The following CES1 variants were observed in gnomAD, a reference collection of about 807,000 sequenced individuals.
The protein encoded by CES1 is liver carboxylesterase 1.
CES1 carries 50 observed loss-of-function variants against 53.0 expected under a neutral mutation model. The ratio of observed to expected loss-of-function variants is 0.94; its 90% CI spans 0.75 to 1.19. CES1 has a LOEUF of 1.19. Among genes scored for constraint, CES1 ranks in the 50% most tolerant of loss-of-function variants. The pLI, the probability that CES1 is intolerant of heterozygous loss-of-function variation, is 0.00. For synonymous variants in CES1, 202 were observed against 210.1 expected (o/e 0.96, Z 0.33); for missense variants, 534 against 538.0 (o/e 0.99, Z 0.07).
chr16:55,823,585 G>T lies in CES1; in HGVS notation c.504C>A (p.Thr168=), dbSNP rs1236441720. 1 of 1,613,816 alleles carries T rather than the reference G, an allele frequency of 6.2e-7. No individual in the cohort carries two copies. Among genetic ancestry groups the T allele is most frequent in the Non-Finnish European group, 8.5e-7 (1 of 1,179,888 alleles). ...LAAHENVVVV[T]IQYRLGIWGF... ...CCCAGATGCCCAGGCGATATTGAATGGTCACCACCACCACGTTTTCATGGG... is the reference window on the plus strand; with the variant it reads ...CCCAGATGCCCAGGCGATATTGAATTGTCACCACCACCACGTTTTCATGGG... Residue 168 remains threonine (T), a synonymous_variant, in exon 4 of 14, where the codon ACC becomes ACA. Transcript: ENST00000360526.
chr16:55,830,037 A>G (rs2032577186), intron 1 of CES1, among the ~76,000 whole-genome samples: 2 of 152,208 alleles, frequency 1.3e-5, no homozygotes, highest in Admixed American at 6.5e-5. Context: ...CTCCTAGGAA[A>G]TGATTTCCAG....
Position 55,826,187 on chromosome 16 carries a change from G to A in CES1, c.369C>T (p.Tyr123=), listed in dbSNP as rs879849591. The A allele has an allele frequency of 5.0e-6, 8 of 1,613,854 alleles. No homozygotes were observed. Among genetic ancestry groups the A allele is most frequent in the African/African-American group, 2.7e-5 (2 of 74,912 alleles). ...LSEDCLYLNI[Y]TPADLTKKNR... is the part of the protein sequence containing the mutation. Reference sequence around the variant, plus strand: ...TTTTCTTGGTCAAGTCAGCAGGAGTGTAAATATTGAGGTAAAGACAGTCTT... The same window carrying A: ...TTTTCTTGGTCAAGTCAGCAGGAGTATAAATATTGAGGTAAAGACAGTCTT... Residue 123 remains tyrosine, a synonymous_variant, in exon 3 of 14, where the codon TAC becomes TAT. Transcript: ENST00000360526.
At chr16:55,822,073 A>C (rs1164253319) in intron 4 of CES1, among the ~76,000 whole-genome samples, 2 of 152,240 alleles carry the variant, frequency 1.3e-5, no homozygotes, top group Non-Finnish European at 2.9e-5. Flanking sequence ...AGAAAAAGCA[A>C]GTGCAAAGGG....
In CES1 at chr16:55,829,046, G is replaced by C. The variant is rs3826188; in HGVS notation, c.53-72C>G. 14 of 1,113,786 alleles carry C rather than the reference G, an allele frequency of 1.3e-5. No individual in the cohort carries two copies. The South Asian group carries it at 2.0e-4, about 16-fold the overall frequency. 69.0% of individuals were successfully genotyped at this position (1,113,786 alleles called of 1,614,324 possible). ...ACCCAGATTCCAGGTGGAGTTTGCC[G>C]CTTTCTAAGTGAGTGACCTTAAATA... is the stretch of plus-strand genomic sequence containing the variant. On this transcript the variant is annotated intron_variant, in intron 1 of 13. Coordinates refer to ENST00000360526, the MANE Select transcript of CES1 (RefSeq NM_001025195.2).
At chr16:55,822,805 A>C (rs4122238) in intron 4 of CES1, among the ~76,000 whole-genome samples, 1 of 151,768 alleles carries the variant, frequency 6.6e-6, no homozygotes, top group East Asian at 1.9e-4. Flanking sequence ...GCTGCTGGGA[A>C]GTCCTGAGAG....
At chr16:55,814,881 A>G (rs1364203797) in intron 8 of CES1, among the ~76,000 whole-genome samples, 26 of 152,232 alleles carry the variant, frequency 1.7e-4, no homozygotes, top group Admixed American at 1.1e-3. Context: ...ATGGCTGACA[A>G]TGAAGAACAG....
intron 8 of CES1, among the ~76,000 whole-genome samples, chr16:55,814,450 C>T (rs1358141597): frequency 9.2e-5 from 14 of 152,356 alleles, no homozygotes; most frequent in Non-Finnish European, 1.6e-4. Flanking sequence ...CATCTGAAGC[C>T]TGGCTCTGCT....
chr16:55,811,688 A>G (rs2031705273), intron 9 of CES1, among the ~76,000 whole-genome samples: 1 of 152,180 alleles, frequency 6.6e-6, no homozygotes, highest in African/African-American at 2.4e-5. Context: ...ACCTGGAGAC[A>G]AGCAGCCAGG....
intron 8 of CES1, among the ~76,000 whole-genome samples, chr16:55,815,590 G>C (rs2002577): frequency 0.72 from 109,497 of 151,274 alleles, 40,574 homozygotes; most frequent in Non-Finnish European, 0.82. Context: ...ACTCCTCCCC[G>C]TTTCTTACCC....
chr16:55,813,245 G>A (rs536433389), intron 8 of CES1, among the ~76,000 whole-genome samples: 15 of 152,322 alleles, frequency 9.8e-5, no homozygotes, highest in East Asian at 3.9e-4. Flanking sequence ...CACTGCTCAG[G>A]TGATGAGGAG....
chr16:55,812,845 G>C lies in CES1; in HGVS notation c.1086+58C>G, dbSNP rs558707091. 43 of 1,610,932 alleles carry C rather than the reference G, an allele frequency of 2.7e-5. No individual in the cohort carries two copies. The South Asian group carries it at 4.2e-4, about 16-fold the overall frequency. On this transcript the variant is annotated intron_variant, in intron 9 of 13. Coordinates refer to ENST00000360526, the MANE Select transcript of CES1 (RefSeq NM_001025195.2). Reference sequence around the variant, plus strand: ...GGAGAGGGAAGCATTCCTGGGACCAGAGACAGGAGGGCTGATGGGGGTGGT... The same window carrying C: ...GGAGAGGGAAGCATTCCTGGGACCACAGACAGGAGGGCTGATGGGGGTGGT...
intron 1 of CES1, among the ~76,000 whole-genome samples, chr16:55,832,561 G>A (rs113004964): frequency 9.2e-5 from 14 of 152,230 alleles, no homozygotes; most frequent in Middle Eastern, 3.4e-3. Context: ...ACCCAAGCAC[G>A]GAATAGCGCA....
intron 2 of CES1, among the ~76,000 whole-genome samples, 200 bp downstream of exon 2, chr16:55,828,567 G>A (rs1180058297): frequency 1.6e-4 from 24 of 152,094 alleles, no homozygotes; most frequent in African/African-American, 5.3e-4. Flanking sequence ...CCCAGAACAC[G>A]CCTGGCACAC....
chr16:55,816,898 G>A (rs377028911), intron 8 of CES1, 26 bp downstream of exon 8: 161 of 1,612,444 alleles, frequency 1.0e-4, no homozygotes, highest in African/African-American at 5.9e-4. Context: ...CTCAAAACCC[G>A]TAATCCAGAA....
chr16:55,830,815 A>C lies in CES1; in HGVS notation c.53-1841T>G, dbSNP rs375501373. On this transcript the variant is annotated intron_variant, in intron 1 of 13. Transcript: ENST00000360526. Reference sequence around the variant, plus strand: ...GAAGGAAGGAAGGAAGGAAGGAAGGAAGGAAGGCAGGCAGGCAGGCAGGCA... The same window carrying C: ...GAAGGAAGGAAGGAAGGAAGGAAGGCAGGAAGGCAGGCAGGCAGGCAGGCA... Among the ~76,000 whole-genome samples, 185 of 123,656 alleles carry C rather than the reference A, an allele frequency of 1.5e-3. 1 individual carries two copies. The highest frequency in any genetic ancestry group is 8.5e-3 in the Middle Eastern group (2 of 234). 81.1% of individuals were successfully genotyped at this position (123,656 alleles called of 152,430 possible). A position where few individuals can be genotyped will look rare whatever the true frequency, so the allele number is the denominator to read the frequency against.
intron 1 of CES1, among the ~76,000 whole-genome samples, chr16:55,832,498 C>A (rs1468802677): frequency 6.6e-6 from 1 of 152,214 alleles, no homozygotes; most frequent in African/African-American, 2.4e-5. Flanking sequence ...TTCCTCCTCA[C>A]CAAAGCCCAG....
chr16:55,809,092 G>GAAAAAAAAAAA (rs1567490315), intron 11 of CES1, among the ~76,000 whole-genome samples: 3 of 8,370 alleles, frequency 3.6e-4, no homozygotes, highest in Non-Finnish European at 5.9e-4. Context: ...TGTAGTCCTG[G>GAAAAAAAAAAA]CAAAAAAAAA....
intron 9 of CES1, 137 bp from the exon 10 acceptor site, chr16:55,811,147 A>C (rs2031678782): frequency 4.2e-6 from 3 of 719,460 alleles, no homozygotes; most frequent in Non-Finnish European, 7.3e-6. Flanking sequence ...GTCTTTACTG[A>C]AATGGGTGAA....
intron 7 of CES1, among the ~76,000 whole-genome samples, chr16:55,818,360 G>A (rs1249065327): frequency 4.6e-5 from 7 of 152,340 alleles, no homozygotes; most frequent in Non-Finnish European, 7.3e-5. Context: ...CGCAGGTGTC[G>A]GTTCTGGGTC....
Sources: gnomAD v4.1 joint callset for allele counts (sites outside exome capture counted in the v4.1 genomes callset) on GRCh38, gnomAD v4.1.1 for gene constraint, MANE v1.5 for transcripts, NCBI Gene and HGNC (gene_info 2026-07-23, HGNC 2026-07-21) for gene names.